COLGALT1: variants seen among roughly 807,000 people sequenced by gnomAD.
COLGALT1 encodes the protein procollagen galactosyltransferase 1.
Under a neutral mutation model 60.8 loss-of-function variants are expected in COLGALT1, and 43 were observed. The observed-to-expected ratio is 0.71, with a 90% CI of 0.55 to 0.91. The LOEUF is 0.91. COLGALT1 is among the 40% of genes least tolerant of loss of function. The pLI, the probability that COLGALT1 is intolerant of heterozygous loss-of-function variation, is 0.00. For synonymous variants in COLGALT1, 369 were observed against 374.2 expected, an observed-to-expected ratio of 0.99 and a Z score of 0.16; for missense variants, 845 against 880.0, an observed-to-expected ratio of 0.96 and a Z score of 0.50.
At chr19:17,560,550 T>C in intron 3 of COLGALT1, 85 bp downstream of exon 3, 1 of 1,077,390 alleles carries the variant, frequency 9.3e-7, no homozygotes, top group South Asian at 1.3e-5. Flanking sequence ...GCCAGGACCA[T>C]CCTTAATGTT....
Position 17,555,753 on chromosome 19 carries a change from C to G in COLGALT1, c.40C>G (p.Pro14Ala). The change falls in exon 1 of 12, where the codon CCG becomes GCG. Residue 14 changes from proline (P) to alanine (A), a missense_variant. By Grantham distance (27) the Pro-to-Ala change is conservative. Transcript: ENST00000252599. ...ACGCGCGGGCCGGCGGCGCGGGCAG[C>G]CGCTCCTGGCGCTGCTGCTTCTGCT... ...APRAGRRRGQ[P>A]LLALLLLLLA... is the part of the protein sequence containing the mutation. 2.5e-6 allele frequency: 3 copies of G among 1,214,916 alleles called. No individual in the cohort carries two copies. Among genetic ancestry groups the G allele is most frequent in the Non-Finnish European group, 3.1e-6 (3 of 977,920 alleles). The allele number at this position is 1,214,916 out of a possible 1,614,324, so 75.3% of individuals were successfully genotyped here.
intron 1 of COLGALT1, among the ~76,000 whole-genome samples, chr19:17,558,384 C>G (rs932743388): frequency 1.3e-5 from 2 of 148,710 alleles, no homozygotes; most frequent in African/African-American, 4.9e-5. Flanking sequence ...CTGATCTATA[C>G]ATTACAAAAA....
chr19:17,577,200 C>G lies in COLGALT1; in HGVS notation c.955C>G (p.His319Asp). The G allele has an allele frequency of 6.2e-7, 1 of 1,613,164 alleles. No individual in the cohort carries two copies. The highest frequency in any genetic ancestry group is 8.5e-7 in the Non-Finnish European group (1 of 1,179,618). The stretch of plus-strand genomic sequence containing the variant: ...TCAACGTCTGTGCCCCACAGTGAAG[C>G]ACCCGCCCGCAGAGCCCTCCCGCTT... ...MHVQLEVMVK[H>D]PPAEPSRFIS... Residue 319 changes from histidine (H) to aspartate (D), a missense_variant, in exon 7 of 12, where the codon CAC (histidine) becomes GAC (aspartate). By Grantham distance (81) the His-to-Asp change is moderately conservative. Transcript: ENST00000252599.
In COLGALT1 at chr19:17,580,880, C is replaced by T. The variant is rs1250615889; in HGVS notation, c.1576C>T (p.Pro526Ser). 10 of 1,613,944 alleles carry T rather than the reference C, an allele frequency of 6.2e-6. No homozygotes were observed. The highest frequency in any genetic ancestry group is 8.5e-6 in the Non-Finnish European group (10 of 1,180,026). ...SKMLPVDEFL[P>S]VMFDKHPVSE... ...GATGCTGCCTGTGGACGAGTTCCTG[C>T]CCGTCATGTTCGACAAACACCCAGT... The change falls in exon 11 of 12, where the codon CCC becomes TCC. Residue 526 changes from proline to serine, a missense_variant. By Grantham distance (74) the Pro-to-Ser change is moderately conservative. Coordinates refer to ENST00000252599, the MANE Select transcript of COLGALT1 (RefSeq NM_024656.4).
In COLGALT1 at chr19:17,580,982, G is replaced by A. The variant is rs539420031; in HGVS notation, c.1601+77G>A. ...GGGAGAATGGGGATGTGAGACTCAC[G>A]GCCTCCGAGAAGATGTCTCTTCTTT... On this transcript the variant is annotated intron_variant, in intron 11 of 11. Coordinates refer to ENST00000252599, the MANE Select transcript of COLGALT1 (RefSeq NM_024656.4). 1.5e-5 allele frequency: 23 copies of A among 1,541,548 alleles called. No homozygotes were observed. The East Asian group carries it at 2.0e-4, about 14-fold the overall frequency.
At chr19:17,556,045 C>A in intron 1 of COLGALT1, 72 bp downstream of exon 1, 2 of 1,254,560 alleles carry the variant, frequency 1.6e-6, no homozygotes, top group Non-Finnish European at 2.0e-6. Context: ...AGGGGTGGGT[C>A]CACGCGAGCC....
At chr19:17,570,116 A>G (rs1198802909) in intron 5 of COLGALT1, among the ~76,000 whole-genome samples, 1 of 150,542 alleles carries the variant, frequency 6.6e-6, no homozygotes, top group Non-Finnish European at 1.5e-5. Flanking sequence ...GATGGTCTTG[A>G]TCTCTTGACC....
chr19:17,580,379 G>A (rs1053886601), intron 10 of COLGALT1: 1 of 427,106 alleles, frequency 2.3e-6, no homozygotes, highest in Non-Finnish European at 4.3e-6. Flanking sequence ...CCCCCCATCA[G>A]GGCACCTCGC....
At chr19:17,567,360 G>C (rs775040126) in intron 3 of COLGALT1, 46 bp from the exon 4 acceptor site, 2 of 1,609,054 alleles carry the variant, frequency 1.2e-6, no homozygotes, top group Middle Eastern at 1.7e-4. Flanking sequence ...CTGAATGGTA[G>C]CCTGACCTGG....
intron 6 of COLGALT1, among the ~76,000 whole-genome samples, chr19:17,574,060 C>G (rs1002629616): frequency 3.9e-5 from 6 of 152,170 alleles, no homozygotes; most frequent in East Asian, 1.9e-4. Context: ...TGGAGGAGCA[C>G]GCAGGGCTGA....
intron 8 of COLGALT1, 84 bp downstream of exon 8, chr19:17,577,551 G>T: frequency 1.1e-5 from 14 of 1,248,210 alleles, no homozygotes; most frequent in Non-Finnish European, 1.4e-5. Context: ...AAGTGATTCA[G>T]ATGGGGGCGG....
chr19:17,568,453 G>T, intron 4 of COLGALT1, 56 bp from the exon 5 acceptor site: 1 of 1,451,274 alleles, frequency 6.9e-7, no homozygotes, highest in Middle Eastern at 2.2e-4. Flanking sequence ...ACTATCACGG[G>T]TCTCCATCCT....
intron 10 of COLGALT1, 112 bp from the exon 11 acceptor site, chr19:17,580,587 G>T (rs2076374188): frequency 1.0e-6 from 1 of 1,002,074 alleles, no homozygotes; most frequent in Non-Finnish European, 1.5e-6. Flanking sequence ...CTGCAAACAT[G>T]CTGAGCCTGC....
Position 17,579,530 on chromosome 19 carries a change from C to T in COLGALT1, c.1315C>T (p.Arg439Cys). The T allele has an allele frequency of 1.2e-6, 2 of 1,613,984 alleles. No individual in the cohort carries two copies. The highest frequency in any genetic ancestry group is 2.2e-5 in the East Asian group (1 of 44,876). Residue 439 changes from arginine to cysteine, a missense_variant, in exon 10 of 12, where the codon CGT becomes TGT. Transcript: ENST00000252599. ...ATCGCTTGTGTTTGAGGATGACCTG[C>T]GTTTTGAGATCTTCTTCAAGAGACG... Reference protein sequence around the residue: ...QKSLVFEDDLRFEIFFKRRLM... With the variant: ...QKSLVFEDDLCFEIFFKRRLM...
At chr19:17,574,251 C>G (rs182579914) in intron 6 of COLGALT1, among the ~76,000 whole-genome samples, 4 of 151,844 alleles carry the variant, frequency 2.6e-5, no homozygotes, top group Non-Finnish European at 5.9e-5. Flanking sequence ...CCAGCCTTAC[C>G]GATTTCTGAA....
Position 17,577,939 on chromosome 19 carries a change from T to TCTC in COLGALT1, c.1134-8_1134-6dup, listed in dbSNP as rs770024603. 2.9e-5 allele frequency: 46 copies of TCTC among 1,591,312 alleles called. No individual in the cohort carries two copies. The highest frequency in any genetic ancestry group is 3.8e-5 in the Non-Finnish European group (44 of 1,166,482). ...GCAGGGTGAACCTTCTTCGTGACCC[T>TCTC]CTCCTCCTCCTCTCCAGAGCCATGA... On this transcript the variant is annotated splice_polypyrimidine_tract_variant and intron_variant, in intron 8 of 11. Coordinates refer to ENST00000252599, the MANE Select transcript of COLGALT1 (RefSeq NM_024656.4).
intron 6 of COLGALT1, among the ~76,000 whole-genome samples, chr19:17,575,481 G>C (rs1305973626): frequency 6.6e-6 from 1 of 152,124 alleles, no homozygotes; most frequent in Non-Finnish European, 1.5e-5. Context: ...TCCTGACCTT[G>C]TGAGCCACCT....
chr19:17,560,527 G>C, intron 3 of COLGALT1, 62 bp downstream of exon 3: 15 of 1,320,044 alleles, frequency 1.1e-5, no homozygotes, highest in Non-Finnish European at 2.2e-6. Context: ...CAGGGAAGGC[G>C]GAGCAGCAGG....
At chr19:17,579,180 AAAG>A (rs1439957667) in intron 9 of COLGALT1, among the ~76,000 whole-genome samples, 2 of 151,994 alleles carry the variant, frequency 1.3e-5, no homozygotes, top group Non-Finnish European at 2.9e-5. Context: ...AAAAAAAAAA[AAAG>A]AAAAAGAAAA....
Sources: allele counts gnomAD v4.1 joint callset (sites outside exome capture counted in the v4.1 genomes callset), GRCh38; gene constraint gnomAD v4.1.1; transcripts MANE v1.5; gene names NCBI Gene and HGNC (gene_info 2026-07-23, HGNC 2026-07-21).